The following NKAIN3 variants were observed in gnomAD, a reference collection of about 807,000 sequenced individuals.
NKAIN3 encodes sodium/potassium transporting ATPase interacting 3, also known as sodium/potassium-transporting ATPase subunit beta-1-interacting protein 3.
NKAIN3 carries 25 observed loss-of-function variants against 30.2 expected under a neutral mutation model. That is an observed-to-expected ratio of 0.83 (90% confidence interval 0.60 to 1.16). NKAIN3 has a LOEUF of 1.16. NKAIN3 is among the 50% of genes most tolerant of loss of function. The probability of loss-of-function intolerance (pLI) is 0.00; values close to 1 mark genes in which losing one functional copy is unlikely to be tolerated. For missense variants in NKAIN3, 225 were observed against 254.1 expected, an observed-to-expected ratio of 0.89 and a Z score of 0.78; for synonymous variants, 91 against 89.6, an observed-to-expected ratio of 1.02 and a Z score of -0.09.
At chr8:62,573,594 AG>A (rs775107688) in intron 1 of NKAIN3, among the ~76,000 whole-genome samples, 1 of 151,894 alleles carries the variant, frequency 6.6e-6, no homozygotes, top group African/African-American at 2.4e-5. Flanking sequence ...TTTTAATACA[AG>A]ATATTTATTT....
chr8:62,863,189 C>T, intron 4 of NKAIN3: 1 of 1,540,650 alleles, frequency 6.5e-7, no homozygotes, highest in Non-Finnish European at 8.9e-7. Context: ...TCTTCTATCT[C>T]CTGCAGGCGT....
chr8:62,500,368 G>C (rs1807387854), intron 1 of NKAIN3, among the ~76,000 whole-genome samples: 2 of 149,674 alleles, frequency 1.3e-5, no homozygotes, highest in African/African-American at 4.9e-5. Context: ...ATGGGTTTAA[G>C]TACTAAGAAA....
chr8:62,954,345 G>A (rs1823364080), intron 6 of NKAIN3, among the ~76,000 whole-genome samples: 1 of 152,150 alleles, frequency 6.6e-6, no homozygotes, highest in Non-Finnish European at 1.5e-5. Context: ...TCCTCCATGT[G>A]ACATCCAGGT....
chr8:62,815,262 T>A (rs1563575990), intron 4 of NKAIN3, among the ~76,000 whole-genome samples: 2 of 151,942 alleles, frequency 1.3e-5, no homozygotes, highest in Non-Finnish European at 2.9e-5. Flanking sequence ...CAGGACCAGA[T>A]GGATTCACAG....
At chr8:62,358,998 G>A (rs1269683859) in intron 1 of NKAIN3, among the ~76,000 whole-genome samples, 2 of 152,184 alleles carry the variant, frequency 1.3e-5, no homozygotes, top group East Asian at 1.9e-4. Flanking sequence ...TGGCTAACAC[G>A]GTGAAACCCT....
At chr8:62,675,311 A>G (rs1474182824) in intron 3 of NKAIN3, among the ~76,000 whole-genome samples, 2 of 152,194 alleles carry the variant, frequency 1.3e-5, no homozygotes, top group African/African-American at 4.8e-5. Flanking sequence ...TTTATTCATG[A>G]TCTATACACC....
At chr8:62,392,194 G>C (rs1189262853) in intron 1 of NKAIN3, among the ~76,000 whole-genome samples, 1 of 151,928 alleles carries the variant, frequency 6.6e-6, no homozygotes, top group African/African-American at 2.4e-5. Context: ...GTTATTACTG[G>C]TCATTTTACT....
At chr8:62,392,931 A>G (rs188783872) in intron 1 of NKAIN3, among the ~76,000 whole-genome samples, 175 of 152,212 alleles carry the variant, frequency 1.1e-3, no homozygotes, top group African/African-American at 4.1e-3. Flanking sequence ...CTGTAACAGC[A>G]GTACAAATCT....
intron 4 of NKAIN3, among the ~76,000 whole-genome samples, chr8:62,750,257 G>A (rs1390125625): frequency 6.6e-6 from 1 of 151,992 alleles, no homozygotes; most frequent in African/African-American, 2.4e-5. Context: ...CCAGGAAGGT[G>A]ATTTCGGGGA....
At chr8:62,889,221 T>C in intron 4 of NKAIN3, among the ~76,000 whole-genome samples, 1 of 151,680 alleles carries the variant, frequency 6.6e-6, no homozygotes, top group East Asian at 1.9e-4. Context: ...ATGCAAAAAA[T>C]TAGCTGGGCA....
chr8:62,947,520 A>G (rs1250482482), intron 5 of NKAIN3, among the ~76,000 whole-genome samples: 1 of 152,232 alleles, frequency 6.6e-6, no homozygotes, highest in Non-Finnish European at 1.5e-5. Context: ...TAATGGTCAC[A>G]ACAGTATTTC....
intron 1 of NKAIN3, among the ~76,000 whole-genome samples, chr8:62,559,204 G>A (rs913306189): frequency 5.3e-5 from 8 of 151,868 alleles, no homozygotes; most frequent in Non-Finnish European, 8.8e-5. Flanking sequence ...TTTTCTTTGT[G>A]CTGTAGTATA....
At chr8:62,899,429 G>T (rs1166544413) in intron 4 of NKAIN3, among the ~76,000 whole-genome samples, 1 of 152,144 alleles carries the variant, frequency 6.6e-6, no homozygotes, top group Non-Finnish European at 1.5e-5. Context: ...CTGAGATCTT[G>T]TCATTTGCAA....
At chr8:62,863,590 G>A (rs1261666974) in intron 4 of NKAIN3, 2 of 1,163,964 alleles carry the variant, frequency 1.7e-6, no homozygotes, top group Non-Finnish European at 2.6e-6. Flanking sequence ...TCCCATTCAT[G>A]CCTGAAATCT....
At chr8:62,389,768 A>C (rs966914354) in intron 1 of NKAIN3, among the ~76,000 whole-genome samples, 3 of 152,172 alleles carry the variant, frequency 2.0e-5, no homozygotes, top group Non-Finnish European at 4.4e-5. Context: ...AGTTTGGTAG[A>C]GAATGCAATT....
intron 1 of NKAIN3, among the ~76,000 whole-genome samples, chr8:62,326,493 T>C (rs1050366119): frequency 6.6e-6 from 1 of 151,868 alleles, no homozygotes; most frequent in African/African-American, 2.4e-5. Context: ...CTGTATAAGC[T>C]GAGAGATGAG....
chr8:62,729,949 C>T (rs1192089671), intron 3 of NKAIN3, among the ~76,000 whole-genome samples: 1 of 152,152 alleles, frequency 6.6e-6, no homozygotes, highest in South Asian at 2.1e-4. Context: ...TCATTTTAAA[C>T]TGCTAACTGC....
intron 4 of NKAIN3, among the ~76,000 whole-genome samples, chr8:62,865,288 GC>G (rs2130793386): frequency 6.6e-6 from 1 of 152,340 alleles, no homozygotes; most frequent in East Asian, 1.9e-4. Flanking sequence ...AATGCCTTCA[GC>G]ATCCTTGGTT....
At position 62,589,553 on chromosome 8, in the gene NKAIN3, A is replaced by G. The variant is rs144949327; in HGVS notation, c.193-161A>G. 7.6e-3 allele frequency among the ~76,000 whole-genome samples: 1,151 copies of G among 151,732 alleles called. 13 individuals are homozygous for G. Among genetic ancestry groups the G allele is most frequent in the Admixed American group, 0.016 (240 of 15,162 alleles). On this transcript the variant is annotated intron_variant, in intron 2 of 6. Coordinates refer to ENST00000623646, the MANE Select transcript of NKAIN3 (RefSeq NM_001304533.3). The stretch of plus-strand genomic sequence containing the variant: ...AAATTATTGAATTTTTAATTTCTGG[A>G]AAGCTTAGGGGACCACATAGAGAGC...
Sources: gnomAD v4.1 joint callset for allele counts (sites outside exome capture counted in the v4.1 genomes callset) on GRCh38, gnomAD v4.1.1 for gene constraint, MANE v1.5 for transcripts, NCBI Gene and HGNC (gene_info 2026-07-23, HGNC 2026-07-21) for gene names.